The following PCBP2 variants were observed in gnomAD, a reference collection of about 807,000 sequenced individuals.
PCBP2 encodes poly(rC) binding protein 2, also known as poly(rC)-binding protein 2.
A neutral mutation model predicts 50.1 loss-of-function variants in PCBP2; 4 were observed. The ratio of observed to expected loss-of-function variants is 0.08; its 90% confidence interval spans 0.04 to 0.18. The LOEUF is 0.18. PCBP2 is among the 10% of genes least tolerant of loss of function. PCBP2 has a pLI of 1.00. For missense variants in PCBP2, 161 were observed against 474.3 expected, an observed-to-expected ratio of 0.34 and a Z score of 6.14; for synonymous variants, 179 against 168.0, an observed-to-expected ratio of 1.07 and a Z score of -0.51.
At chr12:53,456,713 A>T (rs772633993) in intron 5 of PCBP2, among the ~76,000 whole-genome samples, 3 of 152,220 alleles carry the variant, frequency 2.0e-5, no homozygotes, top group African/African-American at 4.8e-5. Flanking sequence ...GACCTAGGTT[A>T]TCAGAAGGAA....
intron 10 of PCBP2, 137 bp from the exon 11 acceptor site, chr12:53,467,082 GCC>G: frequency 1.6e-6 from 1 of 631,232 alleles, no homozygotes; most frequent in Non-Finnish European, 2.8e-6. Context: ...TGTGATGCAA[GCC>G]CCATCCCTAC....
chr12:53,456,611 G>T (rs1025795216), intron 5 of PCBP2, among the ~76,000 whole-genome samples: 1 of 152,168 alleles, frequency 6.6e-6, no homozygotes, highest in Non-Finnish European at 1.5e-5. Flanking sequence ...TTTACCTGAC[G>T]TTATAAACAC....
At chr12:53,469,918 T>G (rs953328827) in intron 13 of PCBP2, among the ~76,000 whole-genome samples, 1 of 151,876 alleles carries the variant, frequency 6.6e-6, no homozygotes, top group African/African-American at 2.4e-5. Context: ...ATTTTTGTAT[T>G]TTTTTTAATT....
rs541143158 is a variant in PCBP2, at chr12:53,459,184, C to G, written c.244-88C>G. 4.2e-6 allele frequency: 5 copies of G among 1,188,434 alleles called. No individual in the cohort carries two copies. In the African/African-American group the frequency reaches 4.6e-5, roughly 11 times the overall value. The allele number at this position is 1,188,434 out of a possible 1,614,324, so 73.6% of individuals were successfully genotyped here. On this transcript the variant is annotated intron_variant, in intron 5 of 14. Coordinates refer to ENST00000546463, the MANE Select transcript of PCBP2 (RefSeq NM_031989.5). ...ATGACCTCGCATGTCCTAATAAGAT[C>G]ACTTACCCTAATAAGGGTAAGTGGT...
At chr12:53,469,424 A>G (rs993283249) in intron 13 of PCBP2, among the ~76,000 whole-genome samples, 3 of 152,094 alleles carry the variant, frequency 2.0e-5, no homozygotes, top group Non-Finnish European at 4.4e-5. Context: ...CTTTTTGCTG[A>G]AAATAGAAAT....
At chr12:53,459,036 C>T (rs928258876) in intron 5 of PCBP2, among the ~76,000 whole-genome samples, 13 of 152,000 alleles carry the variant, frequency 8.6e-5, no homozygotes, top group African/African-American at 2.7e-4. Context: ...CAAGTACATT[C>T]CTTCAGGGTG....
chr12:53,460,584 A>G (rs564974572), intron 6 of PCBP2: 3 of 211,858 alleles, frequency 1.4e-5, no homozygotes, highest in South Asian at 5.9e-5. Context: ...ATGGCACGAC[A>G]GAGATCTTAA....
At chr12:53,463,574 T>C (rs1941601519) in intron 8 of PCBP2, among the ~76,000 whole-genome samples, 2 of 152,236 alleles carry the variant, frequency 1.3e-5, no homozygotes, top group African/African-American at 4.8e-5. Flanking sequence ...TGGGAGGATA[T>C]GCTTAGGTTA....
rs1942920930 is a variant in PCBP2, at chr12:53,479,668, C to CTGTTTTTTTTTTTTTTT, written c.*228_*229insTTTTTTTTTTTTTTTTG. The CTGTTTTTTTTTTTTTTT allele has an allele frequency of 1.1e-4, 15 of 136,726 alleles. No homozygotes were observed. Among genetic ancestry groups the CTGTTTTTTTTTTTTTTT allele is most frequent in the South Asian group, 3.0e-4 (1 of 3,292 alleles). The allele number at this position is 136,726 out of a possible 1,614,324, so 8.5% of individuals were successfully genotyped here. On this transcript the variant is annotated 3_prime_UTR_variant, in exon 15 of 15. Transcript: ENST00000546463. ...CATATTTAGTTTTATAAGCTTCTCCCTGGTTTTTTTTTTTTGGCTCATGAA... is the reference window on the plus strand; with the variant it reads ...CATATTTAGTTTTATAAGCTTCTCCCTGTTTTTTTTTTTTTTTTGGTTTTTTTTTTTTGGCTCATGAA...
intron 7 of PCBP2, among the ~76,000 whole-genome samples, chr12:53,461,665 A>AT (rs1941457544): frequency 1.3e-5 from 2 of 152,128 alleles, no homozygotes; most frequent in African/African-American, 4.8e-5. Flanking sequence ...GCCTTTTCAG[A>AT]TTTGTGATAT....
In PCBP2 at chr12:53,452,366, C is replaced by G. The variant is rs955082263; in HGVS notation, c.-86C>G. On this transcript the variant is annotated 5_prime_UTR_variant, in exon 1 of 15. Coordinates refer to ENST00000546463, the MANE Select transcript of PCBP2 (RefSeq NM_031989.5). ...GCTCCCCTTTTCCCCTCAGTCGCCT[C>G]GCGCCTGCAGGTAAGCCTAAAAATT... 2 of 146,052 alleles carry G rather than the reference C, an allele frequency of 1.4e-5. No individual in the cohort carries two copies. Among genetic ancestry groups the G allele is most frequent in the African/African-American group, 5.1e-5 (2 of 39,224 alleles). The allele number at this position is 146,052 out of a possible 1,614,324, so 9.0% of individuals were successfully genotyped here.
rs996553324 is a variant in PCBP2 at position 53,480,208 on chromosome 12, C to T, written c.*766C>T. ...CCAGTTTCTTGGGAATGTTGGTCCCCTTGTTCAGGCTTGCATATTTTAAAC... is the reference window on the plus strand; with the variant it reads ...CCAGTTTCTTGGGAATGTTGGTCCCTTTGTTCAGGCTTGCATATTTTAAAC... On this transcript the variant is annotated 3_prime_UTR_variant, in exon 15 of 15. Coordinates refer to ENST00000546463, the MANE Select transcript of PCBP2 (RefSeq NM_031989.5). 2 of 152,128 alleles carry T rather than the reference C, an allele frequency of 1.3e-5. No homozygotes were observed. The highest frequency in any genetic ancestry group is 4.8e-5 in the African/African-American group (2 of 41,412). The allele number at this position is 152,128 out of a possible 1,614,324, so 9.4% of individuals were successfully genotyped here.
intron 5 of PCBP2, among the ~76,000 whole-genome samples, chr12:53,457,974 G>A (rs1028228411): frequency 4.6e-5 from 7 of 152,170 alleles, no homozygotes; most frequent in Non-Finnish European, 1.0e-4. Context: ...TGTCGCCCAG[G>A]CTGGAGTGCA....
At chr12:53,472,068 T>C (rs968574460) in intron 14 of PCBP2, among the ~76,000 whole-genome samples, 1 of 151,860 alleles carries the variant, frequency 6.6e-6, no homozygotes, top group Non-Finnish European at 1.5e-5. Context: ...AGAGTGGTCC[T>C]TGTCTTCAGT....
At chr12:53,453,388 G>A (rs1020562323) in intron 1 of PCBP2, 1 of 152,146 alleles carries the variant, frequency 6.6e-6, no homozygotes, top group East Asian at 1.9e-4. Flanking sequence ...TTTTCCATGA[G>A]TGAAAAGTGT....
chr12:53,466,009 C>A, intron 10 of PCBP2, 36 bp downstream of exon 10: 1 of 1,597,354 alleles, frequency 6.3e-7, no homozygotes, highest in Non-Finnish European at 8.6e-7. Context: ...TTGAAAAGCT[C>A]CCTCTCCCAT....
intron 7 of PCBP2, among the ~76,000 whole-genome samples, chr12:53,461,766 G>C (rs1941464016): frequency 6.6e-6 from 1 of 152,160 alleles, no homozygotes; most frequent in South Asian, 2.1e-4. Flanking sequence ...CTGGAGTGCA[G>C]TGGTGCAGTA....
At chr12:53,462,127 A>C (rs1258290008) in intron 7 of PCBP2, among the ~76,000 whole-genome samples, 3 of 152,212 alleles carry the variant, frequency 2.0e-5, no homozygotes, top group Non-Finnish European at 4.4e-5. Context: ...TGCAGTTTTG[A>C]CCTTATTTCC....
At chr12:53,469,585 G>A (rs1942059433) in intron 13 of PCBP2, among the ~76,000 whole-genome samples, 2 of 152,100 alleles carry the variant, frequency 1.3e-5, no homozygotes, top group East Asian at 1.9e-4. Flanking sequence ...AAAAAGCCTG[G>A]CATGGTGTTG....
Sources: gnomAD v4.1 joint callset for allele counts (sites outside exome capture counted in the v4.1 genomes callset) on GRCh38, gnomAD v4.1.1 for gene constraint, MANE v1.5 for transcripts, NCBI Gene and HGNC (gene_info 2026-07-23, HGNC 2026-07-21) for gene names.